Variants in FBXL2 observed in about 807,000 individuals in gnomAD.
The protein encoded by FBXL2 is F-box and leucine rich repeat protein 2, also known as F-box/LRR-repeat protein 2.
In FBXL2, 38 loss-of-function variants were observed where a neutral mutation model predicts 69.2. That is an observed-to-expected ratio of 0.55 (90% CI 0.42 to 0.72). The LOEUF is 0.72. Ranked by LOEUF, FBXL2 falls within the 30% of genes least tolerant of loss-of-function variation. The probability of loss-of-function intolerance (pLI) is 0.00; values close to 1 mark genes in which losing one functional copy is unlikely to be tolerated. For synonymous variants in FBXL2, 192 were observed against 201.3 expected (o/e 0.95, Z 0.39); for missense variants, 354 against 520.3 (o/e 0.68, Z 3.11).
chr3:33,357,750 C>T (rs529658831), intron 2 of FBXL2, among the ~76,000 whole-genome samples: 6 of 152,114 alleles, frequency 3.9e-5, no homozygotes, highest in East Asian at 1.9e-4. Flanking sequence ...AGGATGGTCT[C>T]GATCTCCTGA....
intron 2 of FBXL2, among the ~76,000 whole-genome samples, chr3:33,348,746 A>G (rs1270943557): frequency 1.3e-5 from 2 of 152,008 alleles, no homozygotes; most frequent in African/African-American, 2.4e-5. Flanking sequence ...AACATGGAAT[A>G]TCAATATCTT....
intron 2 of FBXL2, among the ~76,000 whole-genome samples, chr3:33,299,764 A>G (rs1467908318): frequency 2.6e-5 from 4 of 152,248 alleles, no homozygotes; most frequent in Non-Finnish European, 4.4e-5. Context: ...ATATTTTCCA[A>G]TAAGACAAAT....
At chr3:33,408,559 A>T, downstream of FBXL2, 1 of 656,942 alleles carries the variant, frequency 1.5e-6, no homozygotes, top group Non-Finnish European at 2.5e-6. Flanking sequence ...GGAAGTCTAA[A>T]CAAAAGCAAA....
chr3:33,400,159 A>G, intron 12 of FBXL2: 2 of 1,378,328 alleles, frequency 1.5e-6, no homozygotes. Flanking sequence ...AAACATTCTC[A>G]TGCACAGATA....
chr3:33,283,074 T>C (rs1479623122), intron 1 of FBXL2, among the ~76,000 whole-genome samples: 1 of 152,116 alleles, frequency 6.6e-6, no homozygotes, highest in South Asian at 2.1e-4. Flanking sequence ...GCCAGAACTT[T>C]CAACACTATA....
chr3:33,419,800 C>T, the FBXL2 span, among the ~76,000 whole-genome samples: 5 of 152,138 alleles, frequency 3.3e-5, no homozygotes, highest in Admixed American at 6.5e-5. Context: ...TTTAATACCA[C>T]GGCTTCCTGA....
downstream of FBXL2, among the ~76,000 whole-genome samples, chr3:33,406,753 G>C (rs566455071): frequency 1.2e-4 from 19 of 152,128 alleles, no homozygotes; most frequent in Non-Finnish European, 2.2e-4. Context: ...TTATGGTTTC[G>C]GTACACTGTG....
intron 4 of FBXL2, 61 bp downstream of exon 4, chr3:33,359,418 T>C (rs2041454286): frequency 2.5e-6 from 3 of 1,188,954 alleles, no homozygotes; most frequent in Admixed American, 1.9e-5. Context: ...GTTCCCCCTT[T>C]CCTGACTTTT....
At chr3:33,350,404 T>G (rs1476395561) in intron 2 of FBXL2, among the ~76,000 whole-genome samples, 1 of 151,462 alleles carries the variant, frequency 6.6e-6, no homozygotes, top group African/African-American at 2.4e-5. Flanking sequence ...ATAAAGAACA[T>G]CTACACAAGA....
intron 13 of FBXL2, among the ~76,000 whole-genome samples, chr3:33,382,011 T>C (rs1322768637): frequency 6.6e-6 from 1 of 152,206 alleles, no homozygotes; most frequent in African/African-American, 2.4e-5. Context: ...ACATAGCCAG[T>C]AGTTCTAGTT....
chr3:33,404,823 A>T (rs1029032799), downstream of FBXL2, among the ~76,000 whole-genome samples: 3 of 152,182 alleles, frequency 2.0e-5, no homozygotes, highest in Non-Finnish European at 2.9e-5. Flanking sequence ...TTGACAGATG[A>T]TTCAAAAGGA....
intron 2 of FBXL2, among the ~76,000 whole-genome samples, chr3:33,300,755 C>G (rs1398217115): frequency 1.3e-5 from 2 of 149,818 alleles, no homozygotes; most frequent in Admixed American, 6.7e-5. Context: ...GTTGCCCAGG[C>G]TGGAGTGCAA....
intron 2 of FBXL2, among the ~76,000 whole-genome samples, chr3:33,352,809 T>C (rs2040915645): frequency 6.6e-6 from 1 of 152,078 alleles, no homozygotes; most frequent in African/African-American, 2.4e-5. Context: ...GGCAGAGAAT[T>C]GCTTGAATAC....
At chr3:33,295,736 C>T (rs1378863862) in intron 1 of FBXL2, among the ~76,000 whole-genome samples, 3 of 152,198 alleles carry the variant, frequency 2.0e-5, no homozygotes, top group African/African-American at 7.2e-5. Flanking sequence ...TCCACATGTT[C>T]ACCATTACTT....
intron 1 of FBXL2, among the ~76,000 whole-genome samples, chr3:33,285,472 C>T (rs1185542012): frequency 1.3e-5 from 2 of 152,190 alleles, no homozygotes; most frequent in African/African-American, 4.8e-5. Context: ...CTGCCCTTAA[C>T]ATTTTTTCCT....
At chr3:33,419,354 G>A in the FBXL2 span, among the ~76,000 whole-genome samples, 4 of 152,134 alleles carry the variant, frequency 2.6e-5, no homozygotes, top group African/African-American at 9.7e-5. Context: ...ATTAGGCTGG[G>A]CGCAGTGGCT....
intron 13 of FBXL2, among the ~76,000 whole-genome samples, chr3:33,379,658 T>C (rs2042891759): frequency 2.0e-5 from 3 of 146,684 alleles, no homozygotes; most frequent in South Asian, 2.1e-4. Flanking sequence ...TACCCTGTTA[T>C]CAAAACCAAA....
At chr3:33,279,701 T>A (rs113600234) in intron 1 of FBXL2, among the ~76,000 whole-genome samples, 2,232 of 152,346 alleles carry the variant, frequency 0.015, 23 homozygotes, top group South Asian at 0.037. Flanking sequence ...AATTAAGCCA[T>A]TTATTTCTAC....
chr3:33,344,890 G>C (rs1000892408), intron 2 of FBXL2, among the ~76,000 whole-genome samples: 3 of 152,104 alleles, frequency 2.0e-5, no homozygotes, highest in African/African-American at 7.2e-5. Flanking sequence ...ACATCTACAG[G>C]ATTACTAACA....
Sources: gnomAD v4.1 joint callset for allele counts (sites outside exome capture counted in the v4.1 genomes callset) on GRCh38, gnomAD v4.1.1 for gene constraint, MANE v1.5 for transcripts, NCBI Gene and HGNC (gene_info 2026-07-23, HGNC 2026-07-21) for gene names.